Variants in STAU1 observed in about 807,000 individuals in gnomAD.
The protein encoded by STAU1 is double-stranded RNA-binding protein Staufen homolog 1.
Under a neutral mutation model 62.9 loss-of-function variants are expected in STAU1, and 13 were observed. That is an observed-to-expected ratio of 0.21 (90% CI 0.13 to 0.33). STAU1 has a LOEUF of 0.33. STAU1 is among the 10% of genes least tolerant of loss of function. The probability of loss-of-function intolerance (pLI) is 1.00; values close to 1 mark genes in which losing one functional copy is unlikely to be tolerated. For missense variants in STAU1, 571 were observed against 712.1 expected (o/e 0.80, Z 2.25); for synonymous variants, 269 against 265.1 (o/e 1.01, Z -0.14).
the STAU1 span, chr20:49,219,218 A>G: frequency 8.8e-6 from 7 of 794,910 alleles, no homozygotes; most frequent in Non-Finnish European, 1.4e-5. Flanking sequence ...GAGGCCGGAG[A>G]CAATGGAATT....
Position 49,153,927 on chromosome 20 carries a change from AC to A in STAU1, c.344+5del. 1 of 1,552,806 alleles carries A rather than the reference AC, an allele frequency of 6.4e-7. No homozygotes were observed. ...TTTACAAAAAAAAAAAAAAAAAAACACATACCTCGGGGGATAAGCACCTCCT... is the reference window on the plus strand; with the variant it reads ...TTTACAAAAAAAAAAAAAAAAAAACAATACCTCGGGGGATAAGCACCTCCT... On this transcript the variant is annotated splice_donor_5th_base_variant and intron_variant, in intron 4 of 13. Coordinates refer to ENST00000371856, the MANE Select transcript of STAU1 (RefSeq NM_017453.4).
chr20:49,209,950 G>A, the STAU1 span, among the ~76,000 whole-genome samples: 12 of 152,044 alleles, frequency 7.9e-5, no homozygotes, highest in African/African-American at 2.9e-4. Flanking sequence ...TCAGGAAGCT[G>A]AGGCAGGAGA....
At chr20:49,126,577 A>AAAAAAAAAAAAAAAAAAAAAAAAAC (rs1555837188) in intron 6 of STAU1, among the ~76,000 whole-genome samples, 3 of 35,028 alleles carry the variant, frequency 8.6e-5, no homozygotes, top group African/African-American at 1.4e-4. Context: ...CAAAAAGCAA[A>AAAAAAAAAAAAAAAAAAAAAAAAAC]AAAAAAAAAA....
chr20:49,161,748 G>A (rs1434668882), intron 3 of STAU1, among the ~76,000 whole-genome samples: 3 of 152,118 alleles, frequency 2.0e-5, no homozygotes, highest in Admixed American at 6.6e-5. Flanking sequence ...ATTCTCCTAG[G>A]GATATGAAAA....
At chr20:49,116,053 C>T (rs2092315837) in intron 12 of STAU1, among the ~76,000 whole-genome samples, 186 bp from the exon 13 acceptor site, 1 of 152,182 alleles carries the variant, frequency 6.6e-6, no homozygotes, top group Non-Finnish European at 1.5e-5. Flanking sequence ...TATTCAGTTA[C>T]CTCACTGAAT....
At chr20:49,167,000 TGAA>T (rs955666009) in intron 2 of STAU1, among the ~76,000 whole-genome samples, 51 of 152,170 alleles carry the variant, frequency 3.4e-4, no homozygotes, top group African/African-American at 1.2e-3. Context: ...AAAGTGGAGA[TGAA>T]GAAGACAGGA....
chr20:49,204,631 TATATATATATA>T, the STAU1 span, among the ~76,000 whole-genome samples: 7 of 61,476 alleles, frequency 1.1e-4, no homozygotes, highest in Non-Finnish European at 1.6e-4. Context: ...TATGTGTATA[TATATATATATA>T]TATATTTTTT....
chr20:49,217,814 TC>T, the STAU1 span, among the ~76,000 whole-genome samples: 20 of 145,604 alleles, frequency 1.4e-4, no homozygotes, highest in African/African-American at 4.5e-4. Flanking sequence ...GCCACTACAC[TC>T]TCACCTGGGC....
At chr20:49,125,087 A>AAAAC (rs2092565297) in intron 6 of STAU1, among the ~76,000 whole-genome samples, 3 of 150,560 alleles carry the variant, frequency 2.0e-5, no homozygotes, top group Non-Finnish European at 4.4e-5. Flanking sequence ...AAAAAAAAAA[A>AAAAC]AAAACCCACA....
At chr20:49,144,319 A>G (rs6066979) in intron 5 of STAU1, among the ~76,000 whole-genome samples, 60,127 of 151,466 alleles carry the variant, frequency 0.4, 11,912 homozygotes, top group Middle Eastern at 0.48. Flanking sequence ...ACAGGATGGG[A>G]GAGGTTCTTG....
chr20:49,197,786 G>A, the STAU1 span, among the ~76,000 whole-genome samples: 3 of 151,832 alleles, frequency 2.0e-5, no homozygotes, highest in African/African-American at 4.8e-5. Context: ...GATCACTGCA[G>A]CCTCAAACAC....
chr20:49,129,349 G>A lies in STAU1; in HGVS notation c.610-4762C>T, dbSNP rs1302727354. Among the ~76,000 whole-genome samples, 9 of 139,326 alleles carry A rather than the reference G, an allele frequency of 6.5e-5. 1 individual carries two copies. Among genetic ancestry groups the A allele is most frequent in the Middle Eastern group, 6.9e-3 (2 of 288 alleles). The allele number at this position is 139,326 out of a possible 152,430, so 91.4% of individuals were successfully genotyped here. ...GTCACCCAGGGTGGAACGCAGTGGC[G>A]CGATCTTGGCTCACTGCAACCTCTG... is the stretch of plus-strand genomic sequence containing the variant. On this transcript the variant is annotated intron_variant, in intron 6 of 13. Transcript: ENST00000371856.
chr20:49,126,875 G>GAAA (rs57532090), intron 6 of STAU1, among the ~76,000 whole-genome samples: 2 of 150,176 alleles, frequency 1.3e-5, no homozygotes, highest in African/African-American at 4.9e-5. Context: ...GTGGGGGGAA[G>GAAA]AAAAAAAAAT....
intron 6 of STAU1, among the ~76,000 whole-genome samples, chr20:49,128,282 T>C (rs144609632): frequency 6.6e-6 from 1 of 152,164 alleles, no homozygotes; most frequent in Non-Finnish European, 1.5e-5. Context: ...GGTGAGATCA[T>C]GCCACTGCAC....
chr20:49,172,541 G>C (rs777036416), intron 2 of STAU1, among the ~76,000 whole-genome samples: 2 of 152,118 alleles, frequency 1.3e-5, no homozygotes, highest in Non-Finnish European at 2.9e-5. Context: ...TCAACATAAT[G>C]GTTAACAGGC....
chr20:49,202,494 G>A, the STAU1 span, among the ~76,000 whole-genome samples: 13 of 151,300 alleles, frequency 8.6e-5, no homozygotes, highest in South Asian at 2.7e-3. Context: ...AACCCAGGAG[G>A]TGGAGGCTGC....
In STAU1 at chr20:49,154,016, T is replaced by G; in HGVS notation, c.261A>C (p.Lys87Asn). Residue 87 changes from lysine to asparagine, a missense_variant, in exon 4 of 14, where the codon AAA becomes AAC. This residue lies in a region of STAU1 where 414 missense variants were observed against 499.6 expected (regional missense o/e 0.83). Coordinates refer to ENST00000371856, the MANE Select transcript of STAU1 (RefSeq NM_017453.4). ...AAGGGTCAACAGGCTTATACATTGG[T>G]TTTTTTCCAAGTTTCATGCACAGTG... is the stretch of plus-strand genomic sequence containing the variant. ...LNALCMKLGKKPMYKPVDPYS... is the reference protein window; with the variant it reads ...LNALCMKLGKNPMYKPVDPYS... The G allele has an allele frequency of 6.2e-7, 1 of 1,613,492 alleles. No individual in the cohort carries two copies. The highest frequency in any genetic ancestry group is 8.5e-7 in the Non-Finnish European group (1 of 1,179,834).
chr20:49,180,439 T>C (rs1173520818), intron 1 of STAU1, among the ~76,000 whole-genome samples: 1 of 151,918 alleles, frequency 6.6e-6, no homozygotes, highest in African/African-American at 2.4e-5. Flanking sequence ...TTCTCCTGCC[T>C]CAGCCCCCGG....
chr20:49,166,884 T>C (rs970621570), intron 2 of STAU1, among the ~76,000 whole-genome samples: 7 of 152,166 alleles, frequency 4.6e-5, no homozygotes, highest in Admixed American at 2.6e-4. Flanking sequence ...CATTTAATTA[T>C]AGAACCCAAA....
Sources: allele counts gnomAD v4.1 joint callset (sites outside exome capture counted in the v4.1 genomes callset), GRCh38; gene constraint gnomAD v4.1.1; regional missense constraint gnomAD v4.1.1; transcripts MANE v1.5; gene names NCBI Gene and HGNC (gene_info 2026-07-23, HGNC 2026-07-21).